Variants in ADGRB2 observed in about 807,000 individuals in gnomAD.
The protein encoded by ADGRB2 is adhesion G protein-coupled receptor B2.
In ADGRB2, 47 loss-of-function variants were observed where a neutral mutation model predicts 178.7. The ratio of observed to expected loss-of-function variants is 0.26; its 90% CI spans 0.21 to 0.34. The LOEUF (loss-of-function observed/expected upper bound fraction) is 0.34. Among genes scored for constraint, ADGRB2 ranks in the 10% least tolerant of loss-of-function variants. ADGRB2 has a pLI of 1.00. For synonymous variants in ADGRB2, 870 were observed against 912.4 expected (o/e 0.95, Z 0.84); for missense variants, 1,584 against 2,180.8 (o/e 0.73, Z 5.45).
chr1:31,755,263 G>A lies in ADGRB2; in HGVS notation c.838+736C>T, dbSNP rs533533530. 3.4e-3 allele frequency among the ~76,000 whole-genome samples: 513 copies of A among 152,336 alleles called. 5 individuals are homozygous for A. Among genetic ancestry groups the A allele is most frequent in the African/African-American group, 0.012 (488 of 41,580 alleles). ...GAAGCAGGGTCTGTAGAAGGCAGCC[G>A]TGGCTGAGGGAGCTGGGGTGGGAGC... On this transcript the variant is annotated intron_variant, in intron 4 of 32. Transcript: ENST00000373658. The surrounding 1 kb of genome is among the most constrained non-coding windows in gnomAD (Gnocchi z 5.1).
chr1:31,732,064 CCTT>C, intron 28 of ADGRB2, 48 bp downstream of exon 28: 1 of 1,611,132 alleles, frequency 6.2e-7, no homozygotes, highest in South Asian at 1.1e-5. Flanking sequence ...CAAGGCCTCC[CCTT>C]CTTCTCCAAC....
Position 31,759,425 on chromosome 1 carries a change from A to C in ADGRB2, c.-190-1914T>G, listed in dbSNP as rs1238573119. 1.5e-5 allele frequency: 12 copies of C among 775,692 alleles called. No homozygotes were observed. In the East Asian group the frequency reaches 2.2e-4, roughly 14 times the overall value. 48.1% of individuals were successfully genotyped at this position (775,692 alleles called of 1,614,324 possible). A position where few individuals can be genotyped will look rare whatever the true frequency, so the allele number is the denominator to read the frequency against. On this transcript the variant is annotated intron_variant, in intron 1 of 32. Coordinates refer to ENST00000373658, the MANE Select transcript of ADGRB2 (RefSeq NM_001364857.2). The surrounding 1 kb of genome is among the most constrained non-coding windows in gnomAD (Gnocchi z 4.3). ...GTCTGAAGCTGGATCTCCCTCCCCTACCCTGCTCCTAGGCTGCTGCTCCCT... is the reference window on the plus strand; with the variant it reads ...GTCTGAAGCTGGATCTCCCTCCCCTCCCCTGCTCCTAGGCTGCTGCTCCCT...
At chr1:31,743,130 G>A in intron 6 of ADGRB2, 128 bp from the exon 7 acceptor site, 1 of 1,132,548 alleles carries the variant, frequency 8.8e-7, no homozygotes. Context: ...TCTGCCCCGG[G>A]ATCTGTTGCC....
Position 31,744,401 on chromosome 1 carries a change from G to A in ADGRB2, c.923-44C>T. On this transcript the variant is annotated intron_variant, in intron 5 of 32. Coordinates refer to ENST00000373658, the MANE Select transcript of ADGRB2 (RefSeq NM_001364857.2). This position sits in a 1 kb window ranked among gnomAD's most constrained non-coding sequence, Gnocchi z 6.7. The stretch of plus-strand genomic sequence containing the variant: ...GTCGGCGGCAGGGGGCACCTCCCAA[G>A]CACTCAGTCTCATAGGGATAGGGGG... The A allele has an allele frequency of 6.5e-7, 1 of 1,544,896 alleles. No individual in the cohort carries two copies. The highest frequency in any genetic ancestry group is 8.7e-7 in the Non-Finnish European group (1 of 1,145,896).
intron 4 of ADGRB2, among the ~76,000 whole-genome samples, chr1:31,751,624 CT>C (rs1252739946): frequency 1.3e-5 from 2 of 152,098 alleles, no homozygotes; most frequent in African/African-American, 4.8e-5. Context: ...GTGGTTGTTT[CT>C]TTGGTTATCT....
At chr1:31,732,196 T>G in intron 27 of ADGRB2, 42 bp from the exon 28 acceptor site, 1 of 1,612,992 alleles carries the variant, frequency 6.2e-7, no homozygotes, top group Non-Finnish European at 8.5e-7. Flanking sequence ...GAGGGAGGAT[T>G]AATGTATCAG....
In ADGRB2 at chr1:31,733,782, G is replaced by A. The variant is rs1645425484; in HGVS notation, c.3453-639C>T. On this transcript the variant is annotated intron_variant, in intron 25 of 32. Coordinates refer to ENST00000373658, the MANE Select transcript of ADGRB2 (RefSeq NM_001364857.2). The surrounding 1 kb of genome is among the most constrained non-coding windows in gnomAD (Gnocchi z 4.3). ...GGCTCAGAGCTGGGGCTAAAAGCTG[G>A]GGTCGGGCCAGGCCTACACCTCCCT... 6.6e-6 allele frequency among the ~76,000 whole-genome samples: 1 copy of A among 152,102 alleles called. No homozygotes were observed. Among genetic ancestry groups the A allele is most frequent in the African/African-American group, 2.4e-5 (1 of 41,400 alleles).
At position 31,738,559 on chromosome 1, in the gene ADGRB2, C is replaced by T. The variant is rs114561697; in HGVS notation, c.2645+28G>A. 4,236 of 1,596,862 alleles carry T rather than the reference C, an allele frequency of 2.7e-3. 91 individuals are homozygous for T. The African/African-American group carries it at 0.047, about 18-fold the overall frequency. On this transcript the variant is annotated intron_variant, in intron 17 of 32. Transcript: ENST00000373658. Reference sequence around the variant, plus strand: ...CAAAGGGCCCTAGGGCTGCTCCCTTCCTCACCCAGAGGAGCCACCCAACTC... The same window carrying T: ...CAAAGGGCCCTAGGGCTGCTCCCTTTCTCACCCAGAGGAGCCACCCAACTC...
At position 31,735,723 on chromosome 1, in the gene ADGRB2, G is replaced by C; in HGVS notation, c.3268-58C>G. On this transcript the variant is annotated intron_variant, in intron 23 of 32. Transcript: ENST00000373658. This position sits in a 1 kb window ranked among gnomAD's most constrained non-coding sequence, Gnocchi z 6.0. ...AGGATCACCAGGTGCCCTCCTGGCA[G>C]GGAAATCCCCATGTGGGAGCTGGAG... is the stretch of plus-strand genomic sequence containing the variant. 6 of 1,573,552 alleles carry C rather than the reference G, an allele frequency of 3.8e-6. No homozygotes were observed. The South Asian group carries it at 7.0e-5, about 18-fold the overall frequency.
At chr1:31,731,584 G>T (rs1387951419) in intron 28 of ADGRB2, among the ~76,000 whole-genome samples, 165 bp from the exon 29 acceptor site, 3 of 152,050 alleles carry the variant, frequency 2.0e-5, no homozygotes, top group Non-Finnish European at 4.4e-5. Flanking sequence ...TATAAGAGGG[G>T]TTAAGAAGAC....
At chr1:31,752,101 T>C (rs560167306) in intron 4 of ADGRB2, among the ~76,000 whole-genome samples, 3 of 152,320 alleles carry the variant, frequency 2.0e-5, no homozygotes, top group African/African-American at 4.8e-5. Context: ...CTTCAGTCTG[T>C]GGCCTTGACC....
In ADGRB2 at chr1:31,756,133, G is replaced by T; in HGVS notation, c.704C>A (p.Thr235Asn). 1 of 1,613,562 alleles carries T rather than the reference G, an allele frequency of 6.2e-7. No individual in the cohort carries two copies. Among genetic ancestry groups the T allele is most frequent in the Non-Finnish European group, 8.5e-7 (1 of 1,179,914 alleles). ...AGCAGGAGGGCCTGGAGATGTGGTG[G>T]TGGTGGAGCCGGCCCCCGCCTCTCC... The part of the protein sequence containing the change: ...CPGEAGAGST[T>N]TTSPGPPAAH... Residue 235 changes from threonine (T) to asparagine (N), a missense_variant, in exon 4 of 33, where the codon ACC becomes AAC. Coordinates refer to ENST00000373658, the MANE Select transcript of ADGRB2 (RefSeq NM_001364857.2). The surrounding 1 kb of genome is among the most constrained non-coding windows in gnomAD (Gnocchi z 8.5).
Position 31,763,650 on chromosome 1 carries a change from G to C in ADGRB2, c.-191+234C>G, listed in dbSNP as rs547349895. On this transcript the variant is annotated intron_variant, in intron 1 of 32. Coordinates refer to ENST00000373658, the MANE Select transcript of ADGRB2 (RefSeq NM_001364857.2). ...GAGGGTCGGTCCAGGCTGGGGGAGG[G>C]GGGGGGCCGAGATTAGAGATTCACC... 1.6e-4 allele frequency among the ~76,000 whole-genome samples: 24 copies of C among 151,526 alleles called. No individual in the cohort carries two copies. In the South Asian group the frequency reaches 3.1e-3, roughly 20 times the overall value.
chr1:31,730,002 G>A (rs898847387), intron 29 of ADGRB2, among the ~76,000 whole-genome samples: 7 of 152,224 alleles, frequency 4.6e-5, no homozygotes, highest in African/African-American at 9.6e-5. Context: ...TTCTGAGGCC[G>A]AGCAGGAACA....
At chr1:31,737,382 C>T in intron 20 of ADGRB2, 47 bp downstream of exon 20, 1 of 1,541,452 alleles carries the variant, frequency 6.5e-7, no homozygotes, top group Non-Finnish European at 9.0e-7. Flanking sequence ...CACCCTCACC[C>T]CTCCACCCCA....
chr1:31,736,119 G>T (rs1369779531), intron 22 of ADGRB2, among the ~76,000 whole-genome samples: 1 of 152,194 alleles, frequency 6.6e-6, no homozygotes, highest in Non-Finnish European at 1.5e-5. Context: ...ATGAAGCAAG[G>T]CTGACTCCTG....
In ADGRB2 at chr1:31,759,427, C is replaced by CTACTGCTCCTAGGCTG. The variant is rs1254561862; in HGVS notation, c.-190-1917_-190-1916insCAGCCTAGGAGCAGTA. ...CTGAAGCTGGATCTCCCTCCCCTAC[C>CTACTGCTCCTAGGCTG]CTGCTCCTAGGCTGCTGCTCCCTAC... On this transcript the variant is annotated intron_variant, in intron 1 of 32. Coordinates refer to ENST00000373658, the MANE Select transcript of ADGRB2 (RefSeq NM_001364857.2). The surrounding 1 kb of genome is among the most constrained non-coding windows in gnomAD (Gnocchi z 4.3). The CTACTGCTCCTAGGCTG allele has an allele frequency of 5.1e-6, 4 of 776,778 alleles. No individual in the cohort carries two copies. The African/African-American group carries it at 6.8e-5, about 13-fold the overall frequency. 48.1% of individuals were successfully genotyped at this position (776,778 alleles called of 1,614,324 possible).
At chr1:31,760,283 T>A (rs1404010218) in intron 1 of ADGRB2, among the ~76,000 whole-genome samples, 1 of 151,992 alleles carries the variant, frequency 6.6e-6, no homozygotes, top group Non-Finnish European at 1.5e-5. Flanking sequence ...TGAAGTAGTC[T>A]CCCTCTCACT....
At position 31,758,288 on chromosome 1, in the gene ADGRB2, G is replaced by A. The variant is rs554692470; in HGVS notation, c.-190-777C>T. Among the ~76,000 whole-genome samples the A allele has an allele frequency of 4.6e-5, 7 of 152,296 alleles. No individual in the cohort carries two copies. The highest frequency in any genetic ancestry group is 6.8e-3 in the Middle Eastern group (2 of 294). ...TCACACAAAGGTGGCCACAGAGGACGCAAGCCCAGGATCTGAGGCCCAGCC... is the reference window on the plus strand; with the variant it reads ...TCACACAAAGGTGGCCACAGAGGACACAAGCCCAGGATCTGAGGCCCAGCC... On this transcript the variant is annotated intron_variant, in intron 1 of 32. Coordinates refer to ENST00000373658, the MANE Select transcript of ADGRB2 (RefSeq NM_001364857.2). The surrounding 1 kb of genome is among the most constrained non-coding windows in gnomAD (Gnocchi z 4.2).
Sources: gnomAD v4.1 joint callset for allele counts (sites outside exome capture counted in the v4.1 genomes callset) on GRCh38, gnomAD v4.1.1 for gene constraint, Gnocchi (gnomAD v3.1) non-coding constraint, MANE v1.5 for transcripts, NCBI Gene and HGNC (gene_info 2026-07-23, HGNC 2026-07-21) for gene names.